CAAP1: variants seen among roughly 807,000 people sequenced by gnomAD.
The protein encoded by CAAP1 is conserved anti-apoptotic protein.
In CAAP1, 20 loss-of-function variants were observed where a neutral mutation model predicts 34.0. That is an observed-to-expected ratio of 0.59 (90% confidence interval 0.41 to 0.86). The LOEUF is 0.86. Among genes scored for constraint, CAAP1 ranks in the 40% least tolerant of loss-of-function variants. CAAP1 has a pLI of 0.00. For synonymous variants in CAAP1, 213 were observed against 166.7 expected, an observed-to-expected ratio of 1.28 and a Z score of -2.14; for missense variants, 538 against 450.5, an observed-to-expected ratio of 1.19 and a Z score of -1.76.
At chr9:26,844,404 T>C (rs1822548049) in intron 5 of CAAP1, among the ~76,000 whole-genome samples, 1 of 152,178 alleles carries the variant, frequency 6.6e-6, no homozygotes, top group East Asian at 1.9e-4. Flanking sequence ...CCTCAAAAAA[T>C]TAACTTTAGT....
intron 4 of CAAP1, among the ~76,000 whole-genome samples, chr9:26,878,143 A>G (rs1461356116): frequency 6.6e-6 from 1 of 152,194 alleles, no homozygotes; most frequent in Non-Finnish European, 1.5e-5. Flanking sequence ...TAGTTTAAAA[A>G]ATCATATTTT....
At chr9:26,868,807 G>A (rs1228360731) in intron 4 of CAAP1, among the ~76,000 whole-genome samples, 1 of 152,086 alleles carries the variant, frequency 6.6e-6, no homozygotes, top group African/African-American at 2.4e-5. Context: ...ACAATAGGAA[G>A]GTGGACGCAG....
rs190108810 is a variant in CAAP1 at position 26,844,078 on chromosome 9, C to A, written c.740-1431G>T. Among the ~76,000 whole-genome samples the A allele has an allele frequency of 6.6e-4, 101 of 152,240 alleles. 1 individual carries two copies. The highest frequency in any genetic ancestry group is 2.3e-3 in the African/African-American group (95 of 41,558). On this transcript the variant is annotated intron_variant, in intron 5 of 5. Transcript: ENST00000333916. ...CTAAAATAGATTTAAGAAAATAAGGCCAGGTGCAGTGGCTCATGCCTGTAA... is the reference window on the plus strand; with the variant it reads ...CTAAAATAGATTTAAGAAAATAAGGACAGGTGCAGTGGCTCATGCCTGTAA...
chr9:26,847,326 C>A (rs1371084998), intron 5 of CAAP1, among the ~76,000 whole-genome samples: 1 of 145,006 alleles, frequency 6.9e-6, no homozygotes, highest in Non-Finnish European at 1.5e-5. Flanking sequence ...GCCATTCTCC[C>A]GCCTCAGCCT....
chr9:26,884,839 A>G lies in CAAP1; in HGVS notation c.636T>C (p.Gly212=), dbSNP rs775019613. The G allele has an allele frequency of 3.7e-6, 6 of 1,609,656 alleles. No individual in the cohort carries two copies. Among genetic ancestry groups the G allele is most frequent in the Non-Finnish European group, 5.1e-6 (6 of 1,179,340 alleles). The part of the protein sequence containing the change: ...DSDMEEEADD[G]SKMGSDLVSQ... ...TGACTAAATCAGATCCCATCTTAGA[A>G]CCATCATCTGCTTCCTCTTCCATAT... The change falls in exon 4 of 6, where the codon GGT becomes GGC. Residue 212 remains glycine, a synonymous_variant. Transcript: ENST00000333916.
At chr9:26,887,964 A>G (rs1823793038) in intron 1 of CAAP1, among the ~76,000 whole-genome samples, 1 of 152,218 alleles carries the variant, frequency 6.6e-6, no homozygotes, top group Non-Finnish European at 1.5e-5. Context: ...ATCATTTTTA[A>G]AACTTTATAA....
At chr9:26,867,220 C>T (rs963748946) in intron 4 of CAAP1, among the ~76,000 whole-genome samples, 4 of 152,136 alleles carry the variant, frequency 2.6e-5, no homozygotes, top group East Asian at 1.9e-4. Context: ...GCTTGGGGAT[C>T]GCTGCTCTAT....
At chr9:26,882,825 C>T (rs1265887176) in intron 4 of CAAP1, among the ~76,000 whole-genome samples, 1 of 152,156 alleles carries the variant, frequency 6.6e-6, no homozygotes, top group Non-Finnish European at 1.5e-5. Flanking sequence ...GGAAACCTAC[C>T]ATTTGCATCA....
At chr9:26,883,521 T>C (rs1823652796) in intron 4 of CAAP1, among the ~76,000 whole-genome samples, 2 of 152,160 alleles carry the variant, frequency 1.3e-5, no homozygotes, top group African/African-American at 4.8e-5. Flanking sequence ...ATTAAATGGC[T>C]TCTAACAGTT....
intron 4 of CAAP1, among the ~76,000 whole-genome samples, chr9:26,881,461 A>G (rs1480636077): frequency 1.3e-5 from 2 of 152,154 alleles, no homozygotes; most frequent in Admixed American, 6.6e-5. Context: ...CTTCTGGTGG[A>G]AGTAAGTTTC....
chr9:26,871,499 C>T (rs548864732), intron 4 of CAAP1, among the ~76,000 whole-genome samples: 52 of 151,268 alleles, frequency 3.4e-4, no homozygotes, highest in Non-Finnish European at 6.5e-4. Context: ...ATCACTTGAA[C>T]GTGCTAGGCA....
chr9:26,880,594 G>C (rs1489172189), intron 4 of CAAP1: 1 of 155,160 alleles, frequency 6.4e-6, no homozygotes, highest in Admixed American at 6.5e-5. Context: ...TTCACCTAGA[G>C]TTCAGTGAGC....
intron 5 of CAAP1, among the ~76,000 whole-genome samples, chr9:26,858,503 G>T (rs1057239700): frequency 2.0e-5 from 3 of 152,078 alleles, no homozygotes; most frequent in Admixed American, 6.6e-5. Flanking sequence ...TCTTCTAAAA[G>T]ACTTTAATTC....
intron 2 of CAAP1, among the ~76,000 whole-genome samples, chr9:26,887,002 T>G (rs975970967): frequency 2.6e-5 from 4 of 152,054 alleles, no homozygotes; most frequent in Non-Finnish European, 5.9e-5. Flanking sequence ...GATCACGAGG[T>G]CAGGAGTTCG....
At chr9:26,852,957 T>C (rs1767966181) in intron 5 of CAAP1, among the ~76,000 whole-genome samples, 1 of 152,036 alleles carries the variant, frequency 6.6e-6, no homozygotes, top group Admixed American at 6.6e-5. Context: ...GTGTTTGGAG[T>C]GCTAGAAGAA....
intron 4 of CAAP1, among the ~76,000 whole-genome samples, chr9:26,875,199 A>T (rs1287700230): frequency 6.6e-6 from 1 of 152,200 alleles, no homozygotes; most frequent in East Asian, 1.9e-4. Flanking sequence ...AGCCTAGGCA[A>T]CATGGTGAAA....
At chr9:26,852,685 T>C (rs554286495) in intron 5 of CAAP1, among the ~76,000 whole-genome samples, 1 of 152,186 alleles carries the variant, frequency 6.6e-6, no homozygotes, top group East Asian at 1.9e-4. Flanking sequence ...AGACATGTGA[T>C]AGATCAACAC....
intron 5 of CAAP1, among the ~76,000 whole-genome samples, chr9:26,853,781 A>T (rs188708382): frequency 4.6e-5 from 7 of 152,352 alleles, no homozygotes; most frequent in African/African-American, 9.6e-5. Flanking sequence ...CAAAGAGTTC[A>T]TCCATTTTAA....
At chr9:26,875,155 C>CA (rs1823395687) in intron 4 of CAAP1, among the ~76,000 whole-genome samples, 2 of 152,250 alleles carry the variant, frequency 1.3e-5, no homozygotes, top group Middle Eastern at 3.4e-3. Flanking sequence ...GAGGCCAAGG[C>CA]AGGTGGATCA....
Sources: allele counts gnomAD v4.1 joint callset (sites outside exome capture counted in the v4.1 genomes callset), GRCh38; gene constraint gnomAD v4.1.1; transcripts MANE v1.5; gene names NCBI Gene and HGNC (gene_info 2026-07-23, HGNC 2026-07-21).